The following AP1G1 variants were observed in gnomAD, a reference collection of about 807,000 sequenced individuals.
AP1G1 encodes the protein adaptor related protein complex 1 subunit gamma 1.
In AP1G1, 7 loss-of-function variants were observed where a neutral mutation model predicts 108.3. The observed-to-expected ratio is 0.06, with a 90% CI of 0.04 to 0.12. The LOEUF is 0.12. Ranked by LOEUF, AP1G1 falls within the 10% of genes least tolerant of loss-of-function variation. The probability of loss-of-function intolerance (pLI) is 1.00; values close to 1 mark genes in which losing one functional copy is unlikely to be tolerated. For synonymous variants in AP1G1, 379 were observed against 353.5 expected, an observed-to-expected ratio of 1.07 and a Z score of -0.81; for missense variants, 756 against 1,010.7, an observed-to-expected ratio of 0.75 and a Z score of 3.42.
intron 17 of AP1G1, among the ~76,000 whole-genome samples, chr16:71,745,926 T>C (rs567836014): frequency 1.3e-5 from 2 of 152,214 alleles, no homozygotes; most frequent in East Asian, 1.9e-4. Context: ...TACTGTATAA[T>C]AGAAGAATAA....
intron 1 of AP1G1, chr16:71,808,440 G>T (rs533749656): frequency 1.7e-6 from 2 of 1,187,648 alleles, no homozygotes; most frequent in East Asian, 1.2e-4. Context: ...CTAAACCCCA[G>T]GCTCCCTGAA....
intron 13 of AP1G1, chr16:71,751,191 T>C (rs535982767): frequency 1.3e-5 from 2 of 150,692 alleles, no homozygotes; most frequent in African/African-American, 4.9e-5. Context: ...TTGTCCAAAT[T>C]AAAAAAGGAA....
intron 11 of AP1G1, chr16:71,758,595 C>A: frequency 1.7e-6 from 1 of 605,580 alleles, no homozygotes. Context: ...TTCTTATTGG[C>A]CTCCTTAACA....
intron 22 of AP1G1, 107 bp downstream of exon 22, chr16:71,734,502 C>G (rs2045509111): frequency 1.1e-6 from 1 of 909,142 alleles, no homozygotes; most frequent in Non-Finnish European, 1.8e-6. Flanking sequence ...TCATTGATCT[C>G]TTCTCTAACT....
At chr16:71,808,599 T>C in intron 1 of AP1G1, 164 bp downstream of exon 1, 1 of 1,289,504 alleles carries the variant, frequency 7.8e-7, no homozygotes, top group Non-Finnish European at 1.0e-6. Context: ...GAGCAGCCCC[T>C]GGGGCTCCCG....
At chr16:71,786,265 TAG>T (rs980910775) in intron 2 of AP1G1, among the ~76,000 whole-genome samples, 1 of 152,124 alleles carries the variant, frequency 6.6e-6, no homozygotes, top group Non-Finnish European at 1.5e-5. Flanking sequence ...TTAGAAAATA[TAG>T]AGAGATTTTT....
At chr16:71,805,475 A>G (rs1170499597) in intron 1 of AP1G1, among the ~76,000 whole-genome samples, 1 of 152,116 alleles carries the variant, frequency 6.6e-6, no homozygotes, top group Non-Finnish European at 1.5e-5. Context: ...AAAGAACTGA[A>G]AACAATTCAT....
intron 13 of AP1G1, chr16:71,753,424 A>G (rs1420485626): frequency 6.0e-6 from 1 of 166,182 alleles, no homozygotes; most frequent in Non-Finnish European, 1.3e-5. Context: ...CTCTCACTTT[A>G]TGGCTTCACT....
rs368613425 is a variant in AP1G1 at position 71,734,880 on chromosome 16, C to T, written c.2269-173G>A. Among the ~76,000 whole-genome samples, 3 of 152,340 alleles carry T rather than the reference C, an allele frequency of 2.0e-5. No homozygotes were observed. In the South Asian group the frequency reaches 6.2e-4, roughly 32 times the overall value. ...CAGGAATTCACAGCACGTGAGTTGACTCCCTGTGGTATTTGTAAAAATCCA... is the reference window on the plus strand; with the variant it reads ...CAGGAATTCACAGCACGTGAGTTGATTCCCTGTGGTATTTGTAAAAATCCA... On this transcript the variant is annotated intron_variant, in intron 21 of 22. Transcript: ENST00000299980.
chr16:71,786,952 G>C (rs1169227296), intron 2 of AP1G1, among the ~76,000 whole-genome samples: 1 of 151,408 alleles, frequency 6.6e-6, no homozygotes, highest in African/African-American at 2.4e-5. Context: ...AGGCTGCAGT[G>C]AGCCCAGTAG....
intron 1 of AP1G1, chr16:71,807,923 G>A (rs577883090): frequency 6.3e-6 from 8 of 1,277,144 alleles, no homozygotes; most frequent in Non-Finnish European, 8.1e-6. Context: ...GCACAGGGAG[G>A]GAATCCACAT....
intron 2 of AP1G1, among the ~76,000 whole-genome samples, chr16:71,788,967 T>G (rs960185231): frequency 6.6e-6 from 1 of 152,178 alleles, no homozygotes; most frequent in Non-Finnish European, 1.5e-5. Context: ...AGAAACATTT[T>G]CTTAAATATT....
intron 19 of AP1G1, among the ~76,000 whole-genome samples, chr16:71,744,106 T>C (rs1316520965): frequency 1.3e-5 from 2 of 150,962 alleles, no homozygotes; most frequent in African/African-American, 4.9e-5. Context: ...AGCCAGGGCA[T>C]GGTGGTGCGT....
intron 1 of AP1G1, 23 bp from the exon 2 acceptor site, chr16:71,789,505 T>C (rs1567661316): frequency 2.5e-6 from 4 of 1,604,714 alleles, no homozygotes; most frequent in Non-Finnish European, 2.6e-6. Flanking sequence ...AGACATTAAA[T>C]AGAGATGTTC....
intron 19 of AP1G1, among the ~76,000 whole-genome samples, chr16:71,744,055 G>A (rs1051457052): frequency 1.3e-5 from 2 of 151,764 alleles, no homozygotes; most frequent in Non-Finnish European, 1.5e-5. Flanking sequence ...CCAGCCTGAC[G>A]AACATGGAGA....
chr16:71,747,791 G>T (rs576208004), intron 16 of AP1G1, among the ~76,000 whole-genome samples: 3 of 152,098 alleles, frequency 2.0e-5, no homozygotes, highest in African/African-American at 7.2e-5. Context: ...AGACCAGCCT[G>T]GGCAAACAAA....
At chr16:71,795,816 G>C (rs1043362992) in intron 1 of AP1G1, among the ~76,000 whole-genome samples, 1 of 152,138 alleles carries the variant, frequency 6.6e-6, no homozygotes, top group Admixed American at 6.6e-5. Context: ...TTTCTTTTGA[G>C]GGGAGTAGAG....
chr16:71,807,768 C>T, intron 1 of AP1G1: 1 of 1,274,146 alleles, frequency 7.8e-7, no homozygotes, highest in Non-Finnish European at 1.0e-6. Context: ...TAACTAATCA[C>T]TGTAAAGCAG....
Position 71,802,560 on chromosome 16 carries a change from T to C in AP1G1, c.-4+6203A>G, listed in dbSNP as rs544542562. ...GCCTGTCCAACATGGTGAAACCCCA[T>C]CTCTACTAAAAGTACAAAAATTAAC... On this transcript the variant is annotated intron_variant, in intron 1 of 22. Transcript: ENST00000299980. Among the ~76,000 whole-genome samples the C allele has an allele frequency of 3.9e-5, 6 of 152,110 alleles. No homozygotes were observed. In the South Asian group the frequency reaches 8.3e-4, roughly 21 times the overall value.
Sources: allele counts gnomAD v4.1 joint callset (sites outside exome capture counted in the v4.1 genomes callset), GRCh38; gene constraint gnomAD v4.1.1; transcripts MANE v1.5; gene names NCBI Gene and HGNC (gene_info 2026-07-23, HGNC 2026-07-21).